The following GSTT4 variants were observed in gnomAD, a reference collection of about 807,000 sequenced individuals.
GSTT4 encodes the protein glutathione S-transferase theta 4.
intron 4 of GSTT4, among the ~76,000 whole-genome samples, 196 bp downstream of exon 4, chr22:23,999,879 C>T (rs1399218935): frequency 2.6e-5 from 4 of 152,246 alleles, no homozygotes; most frequent in African/African-American, 9.6e-5. Flanking sequence ...AACTGTGATC[C>T]TTCCTGATTC....
chr22:23,999,068 C>A (rs1440537007), intron 4 of GSTT4, among the ~76,000 whole-genome samples: 1 of 152,210 alleles, frequency 6.6e-6, no homozygotes, highest in Non-Finnish European at 1.5e-5. Flanking sequence ...CCCCTTATCC[C>A]AGGTGTGTAT....
At chr22:23,997,259 C>T (rs536392771), downstream of GSTT4, among the ~76,000 whole-genome samples, 46 of 151,924 alleles carry the variant, frequency 3.0e-4, 1 homozygote, top group African/African-American at 9.2e-4. Flanking sequence ...TCTATGTGCC[C>T]AGGCTGGAGT....
At chr22:23,998,931 C>A (rs2034166039) in intron 4 of GSTT4, among the ~76,000 whole-genome samples, 192 bp from the exon 5 acceptor site, 1 of 152,248 alleles carries the variant, frequency 6.6e-6, no homozygotes, top group Non-Finnish European at 1.5e-5. Flanking sequence ...CAGAATCCCT[C>A]AGAGTCCTCA....
At chr22:23,990,959 C>T in the GSTT4 span, among the ~76,000 whole-genome samples, 3 of 87,834 alleles carry the variant, frequency 3.4e-5, no homozygotes, top group African/African-American at 6.8e-5. Context: ...TCACTTGAGC[C>T]CAGGAGTTCT....
At chr22:23,996,108 T>A (rs1361145327), downstream of GSTT4, among the ~76,000 whole-genome samples, 1 of 152,040 alleles carries the variant, frequency 6.6e-6, no homozygotes, top group Non-Finnish European at 1.5e-5. Flanking sequence ...CACGCCCGGC[T>A]AATTTTTGTA....
chr22:23,992,741 C>G, the GSTT4 span, among the ~76,000 whole-genome samples: 1 of 151,134 alleles, frequency 6.6e-6, no homozygotes, highest in Admixed American at 6.6e-5. Flanking sequence ...AGTCTCCCAG[C>G]GCCTACCCCA....
the GSTT4 span, among the ~76,000 whole-genome samples, chr22:23,992,928 C>T: frequency 6.6e-6 from 1 of 152,016 alleles, no homozygotes; most frequent in Non-Finnish European, 1.5e-5. Context: ...GCGCATGCCA[C>T]CAATCTGGGC....
chr22:23,996,714 T>A (rs984831246), downstream of GSTT4, among the ~76,000 whole-genome samples: 1 of 152,252 alleles, frequency 6.6e-6, no homozygotes, highest in African/African-American at 2.4e-5. Flanking sequence ...CCTTTTAATA[T>A]GCTGCTGGAT....
chr22:23,990,968 C>T, the GSTT4 span, among the ~76,000 whole-genome samples: 1 of 88,236 alleles, frequency 1.1e-5, no homozygotes, highest in Non-Finnish European at 2.7e-5. Context: ...CCCAGGAGTT[C>T]TAGGCCAGCC....
At chr22:23,990,638 A>AAAT in the GSTT4 span, among the ~76,000 whole-genome samples, 3 of 62,502 alleles carry the variant, frequency 4.8e-5, 1 homozygote, top group Admixed American at 5.6e-4. Flanking sequence ...ATAAATAAAT[A>AAAT]AATAAATAAA....
downstream of GSTT4, among the ~76,000 whole-genome samples, chr22:23,996,323 C>A: frequency 6.6e-6 from 1 of 152,068 alleles, no homozygotes; most frequent in East Asian, 1.9e-4. Context: ...GATGGTTTTA[C>A]TTCTTTCTTT....
At chr22:23,990,453 CA>C in the GSTT4 span, among the ~76,000 whole-genome samples, 26 of 29,970 alleles carry the variant, frequency 8.7e-4, 5 homozygotes, top group South Asian at 0.02. Context: ...CTACACACAC[CA>C]AAAAAAAAAA....
downstream of GSTT4, among the ~76,000 whole-genome samples, chr22:23,996,946 A>G (rs2034122476): frequency 6.6e-6 from 1 of 152,090 alleles, no homozygotes; most frequent in African/African-American, 2.4e-5. Flanking sequence ...TCACCAGGGA[A>G]GCCATCTGGT....
the GSTT4 span, among the ~76,000 whole-genome samples, chr22:23,991,082 G>A: frequency 8.0e-3 from 561 of 69,730 alleles, no homozygotes; most frequent in Middle Eastern, 0.018. Flanking sequence ...AGGGGCTGAG[G>A]CGGGAGGATC....
At position 23,998,447 on chromosome 22, in the gene GSTT4, TGTTTTTTTG is replaced by T; in HGVS notation, c.*86_*94del. ...ATTAGGCAAAGAACAGTTGTTTTTT[TGTTTTTTTG>T]TTTTTTTTTTTTTAACATTTCCTTT... is the stretch of plus-strand genomic sequence containing the variant. On this transcript the variant is annotated 3_prime_UTR_variant, in exon 5 of 5. Transcript: ENST00000621179. 3.8e-5 allele frequency: 1 copy of T among 26,388 alleles called. No homozygotes were observed. The highest frequency in any genetic ancestry group is 4.2e-4 in the East Asian group (1 of 2,390). 1.6% of individuals were successfully genotyped at this position (26,388 alleles called of 1,614,324 possible).
At chr22:24,004,298 A>T (rs2034302936) in intron 1 of GSTT4, 1 of 152,892 alleles carries the variant, frequency 6.5e-6, no homozygotes. Context: ...TCTCGGACAC[A>T]ATCAGGGTCA....
At chr22:23,997,328 C>T (rs1569037136), downstream of GSTT4, among the ~76,000 whole-genome samples, 1 of 151,956 alleles carries the variant, frequency 6.6e-6, no homozygotes, top group Non-Finnish European at 1.5e-5. Context: ...GTGATCCTCC[C>T]ACCTCGGCCA....
downstream of GSTT4, among the ~76,000 whole-genome samples, chr22:23,996,198 TC>T (rs1306902383): frequency 6.6e-6 from 1 of 152,092 alleles, no homozygotes; most frequent in Non-Finnish European, 1.5e-5. Context: ...CGCCTTGGCC[TC>T]CCAAAGTGCT....
At chr22:23,989,706 C>A in the GSTT4 span, among the ~76,000 whole-genome samples, 1 of 151,292 alleles carries the variant, frequency 6.6e-6, no homozygotes, top group Non-Finnish European at 1.5e-5. Context: ...GCTCTTCTTC[C>A]TTTCTTATGC....
Sources: gnomAD v4.1 joint callset for allele counts (sites outside exome capture counted in the v4.1 genomes callset) on GRCh38, gnomAD v4.1.1 for gene constraint, MANE v1.5 for transcripts, NCBI Gene and HGNC (gene_info 2026-07-23, HGNC 2026-07-21) for gene names.